Variants in GADL1 observed in about 807,000 individuals in gnomAD.
The protein encoded by GADL1 is GAD like acidic amino acid decarboxylase 1.
Under a neutral mutation model 69.5 loss-of-function variants are expected in GADL1, and 71 were observed. That is an observed-to-expected ratio of 1.02 (90% CI 0.84 to 1.25). The LOEUF is 1.25. GADL1 is among the 50% of genes most tolerant of loss of function. The pLI is 0.00. For missense variants in GADL1, 737 were observed against 631.8 expected (o/e 1.17, Z -1.79); for synonymous variants, 254 against 214.4 (o/e 1.18, Z -1.62).
At chr3:30,734,630 GT>G (rs1289735544) in intron 14 of GADL1, among the ~76,000 whole-genome samples, 1 of 152,068 alleles carries the variant, frequency 6.6e-6, no homozygotes, top group African/African-American at 2.4e-5. Context: ...AATTTTTGTG[GT>G]AATGGTTAGC....
At chr3:30,864,632 G>T (rs1254618403) in intron 1 of GADL1, among the ~76,000 whole-genome samples, 2 of 151,912 alleles carry the variant, frequency 1.3e-5, no homozygotes, top group Non-Finnish European at 2.9e-5. Flanking sequence ...CCCAGCATTT[G>T]TCCAGGTCAG....
At chr3:30,771,993 G>C (rs1190876084) in intron 14 of GADL1, among the ~76,000 whole-genome samples, 1 of 152,188 alleles carries the variant, frequency 6.6e-6, no homozygotes, top group Non-Finnish European at 1.5e-5. Flanking sequence ...CAAAGCAGCA[G>C]CCTGTGTAGA....
chr3:30,765,067 C>T (rs1696238149), intron 14 of GADL1, among the ~76,000 whole-genome samples: 1 of 152,116 alleles, frequency 6.6e-6, no homozygotes, highest in Non-Finnish European at 1.5e-5. Flanking sequence ...ATTTGACCAG[C>T]AGAACCAAAA....
At chr3:30,767,060 G>T (rs1398103729) in intron 14 of GADL1, among the ~76,000 whole-genome samples, 4 of 151,966 alleles carry the variant, frequency 2.6e-5, no homozygotes, top group African/African-American at 9.7e-5. Flanking sequence ...AAGCACTTTG[G>T]TATAATGCTT....
chr3:30,893,581 T>C (rs765421722), intron 1 of GADL1, among the ~76,000 whole-genome samples: 3 of 152,270 alleles, frequency 2.0e-5, no homozygotes, highest in Middle Eastern at 3.4e-3. Context: ...TACTTCTAAG[T>C]GCCAGGTTTT....
At chr3:30,872,980 C>G (rs369378604) in intron 1 of GADL1, among the ~76,000 whole-genome samples, 2 of 151,834 alleles carry the variant, frequency 1.3e-5, no homozygotes, top group Non-Finnish European at 2.9e-5. Flanking sequence ...TACTGTCAGA[C>G]AATAAATATG....
intron 10 of GADL1, 51 bp from the exon 11 acceptor site, chr3:30,833,985 A>G: frequency 7.9e-7 from 1 of 1,263,210 alleles, no homozygotes. Context: ...ATTAGTTTCT[A>G]CAGGCAATGG....
At chr3:30,861,384 T>C (rs1698318682) in intron 2 of GADL1, among the ~76,000 whole-genome samples, 2 of 151,768 alleles carry the variant, frequency 1.3e-5, no homozygotes, top group South Asian at 4.2e-4. Context: ...CCACGAATGA[T>C]GACTGGCAGA....
chr3:30,892,902 C>G (rs867083524), intron 1 of GADL1, among the ~76,000 whole-genome samples: 3 of 152,200 alleles, frequency 2.0e-5, no homozygotes, highest in Non-Finnish European at 4.4e-5. Flanking sequence ...GTCACCTAGG[C>G]TGGAGTACAG....
chr3:30,865,303 A>AT (rs1198531095), intron 1 of GADL1, among the ~76,000 whole-genome samples: 34 of 71,364 alleles, frequency 4.8e-4, no homozygotes, highest in South Asian at 1.3e-3. Context: ...ATATATATAT[A>AT]TATTTTTTAA....
At chr3:30,824,882 A>G (rs1287611013) in intron 11 of GADL1, among the ~76,000 whole-genome samples, 2 of 151,906 alleles carry the variant, frequency 1.3e-5, no homozygotes, top group African/African-American at 4.8e-5. Context: ...ATTATAATAA[A>G]TCAAGCTGTT....
intron 14 of GADL1, among the ~76,000 whole-genome samples, chr3:30,755,814 GC>G (rs1244041851): frequency 8.3e-6 from 1 of 120,954 alleles, no homozygotes; most frequent in African/African-American, 4.8e-5. Context: ...TTAAACAAAT[GC>G]CAAAGGTACT....
At chr3:30,749,814 C>T (rs565100397) in intron 14 of GADL1, among the ~76,000 whole-genome samples, 1 of 152,264 alleles carries the variant, frequency 6.6e-6, no homozygotes, top group East Asian at 1.9e-4. Context: ...GATAATTAGA[C>T]TTATACTCAG....
At chr3:30,805,734 CTTTTTTTTTTTTTTT>C (rs34788058) in intron 11 of GADL1, among the ~76,000 whole-genome samples, 1 of 66,094 alleles carries the variant, frequency 1.5e-5, no homozygotes, top group African/African-American at 8.5e-5. Flanking sequence ...AGTCCCCAGC[CTTTTTTTTTTTTTTT>C]TTTTTTTTTG....
At chr3:30,784,536 C>A (rs1316101799) in intron 13 of GADL1, among the ~76,000 whole-genome samples, 1 of 152,206 alleles carries the variant, frequency 6.6e-6, no homozygotes, top group African/African-American at 2.4e-5. Flanking sequence ...TTAGAACTTT[C>A]TAGTCTGATG....
At chr3:30,841,179 A>T (rs1279691968) in intron 8 of GADL1, among the ~76,000 whole-genome samples, 2 of 152,214 alleles carry the variant, frequency 1.3e-5, no homozygotes, top group Admixed American at 1.3e-4. Context: ...ACCAGTCATC[A>T]TGTATTATTA....
intron 11 of GADL1, among the ~76,000 whole-genome samples, chr3:30,812,582 C>A (rs573777132): frequency 1.3e-5 from 2 of 152,150 alleles, no homozygotes; most frequent in Non-Finnish European, 2.9e-5. Context: ...GGTCCTCCCA[C>A]AACACAAAGG....
chr3:30,769,690 A>G (rs1055365890), intron 14 of GADL1, among the ~76,000 whole-genome samples: 2 of 152,322 alleles, frequency 1.3e-5, no homozygotes, highest in African/African-American at 4.8e-5. Context: ...AAATGCACCC[A>G]CACCCATATG....
At chr3:30,778,306 A>G (rs776325421) in intron 13 of GADL1, 38 bp from the exon 14 acceptor site, 3 of 1,291,028 alleles carry the variant, frequency 2.3e-6, no homozygotes, top group Middle Eastern at 1.9e-4. Context: ...TTATCTTAAG[A>G]TTTATCTTAG....
Sources: gnomAD v4.1 joint callset for allele counts (sites outside exome capture counted in the v4.1 genomes callset) on GRCh38, gnomAD v4.1.1 for gene constraint, MANE v1.5 for transcripts, NCBI Gene and HGNC (gene_info 2026-07-23, HGNC 2026-07-21) for gene names.